The following RBFOX1 variants were observed in gnomAD, a reference collection of about 807,000 sequenced individuals.
The protein encoded by RBFOX1 is RNA binding protein fox-1 homolog 1.
Under a neutral mutation model 57.7 loss-of-function variants are expected in RBFOX1, and 8 were observed. That is an observed-to-expected ratio of 0.14 (90% CI 0.08 to 0.25). RBFOX1 has a LOEUF of 0.25. Ranked by LOEUF, RBFOX1 falls within the 10% of genes least tolerant of loss-of-function variation. The pLI is 1.00. For synonymous variants in RBFOX1, 326 were observed against 222.4 expected, an observed-to-expected ratio of 1.47 and a Z score of -4.15; for missense variants, 611 against 548.5, an observed-to-expected ratio of 1.11 and a Z score of -1.14.
At chr16:7,201,566 G>A (rs868577470) in intron 4 of RBFOX1, among the ~76,000 whole-genome samples, 1 of 151,664 alleles carries the variant, frequency 6.6e-6, no homozygotes, top group African/African-American at 2.4e-5. Context: ...GGGTTCAAAC[G>A]ATTTTCCTGC....
At chr16:7,303,287 A>T (rs1302644071) in intron 4 of RBFOX1, among the ~76,000 whole-genome samples, 5 of 152,206 alleles carry the variant, frequency 3.3e-5, no homozygotes, top group African/African-American at 1.2e-4. Flanking sequence ...GGGGCGCAGA[A>T]ACCTCCTCCC....
At chr16:5,498,865 C>G (rs957904791) in intron 2 of RBFOX1, among the ~76,000 whole-genome samples, 1 of 152,252 alleles carries the variant, frequency 6.6e-6, no homozygotes, top group Non-Finnish European at 1.5e-5. Context: ...ACCAGGATCT[C>G]TCCTCTGTAA....
chr16:6,641,563 C>T (rs750168358), intron 2 of RBFOX1, among the ~76,000 whole-genome samples: 2 of 151,694 alleles, frequency 1.3e-5, no homozygotes, highest in African/African-American at 2.4e-5. Context: ...AGTGAAACCC[C>T]GTCTCTACTA....
chr16:7,616,585 G>A (rs941150177), intron 10 of RBFOX1, among the ~76,000 whole-genome samples: 1 of 152,130 alleles, frequency 6.6e-6, no homozygotes, highest in African/African-American at 2.4e-5. Context: ...TTTTTGGGAT[G>A]GAGTCTCTCA....
At chr16:6,428,716 T>C (rs1388779544) in intron 2 of RBFOX1, among the ~76,000 whole-genome samples, 1 of 152,206 alleles carries the variant, frequency 6.6e-6, no homozygotes, top group East Asian at 1.9e-4. Context: ...GAATATTCAC[T>C]GGGCTACGTA....
At position 7,713,278 on chromosome 16, in the gene RBFOX1, GT is replaced by G. The variant is rs1405838175; in HGVS notation, c.*2536del. On this transcript the variant is annotated 3_prime_UTR_variant, in exon 16 of 16. Coordinates refer to ENST00000550418, the MANE Select transcript of RBFOX1 (RefSeq NM_018723.4). ...ATTAGTGTTTATATCACTTACAGTG[GT>G]TTGTGAATAAAGAAAACTGGTTTGT... is the stretch of plus-strand genomic sequence containing the variant. 6.6e-6 allele frequency: 1 copy of G among 152,158 alleles called. No homozygotes were observed. The allele number at this position is 152,158 out of a possible 1,614,324, so 9.4% of individuals were successfully genotyped here.
chr16:6,613,505 C>A (rs147548122), intron 2 of RBFOX1, among the ~76,000 whole-genome samples: 1 of 152,080 alleles, frequency 6.6e-6, no homozygotes, highest in East Asian at 1.9e-4. Context: ...AGATTAGCAT[C>A]ACTTACATGC....
chr16:6,705,889 A>G lies in RBFOX1; in HGVS notation c.-16+51239A>G, dbSNP rs886689497. Among the ~76,000 whole-genome samples the G allele has an allele frequency of 3.3e-5, 5 of 152,068 alleles. No individual in the cohort carries two copies. The South Asian group carries it at 6.2e-4, about 19-fold the overall frequency. On this transcript the variant is annotated intron_variant, in intron 3 of 15. Transcript: ENST00000550418. ...AAACATTAGCTGGGCATGGTGGTGCATGTCTCTAGTCCCAACTACTCAGGA... is the reference window on the plus strand; with the variant it reads ...AAACATTAGCTGGGCATGGTGGTGCGTGTCTCTAGTCCCAACTACTCAGGA...
intron 2 of RBFOX1, among the ~76,000 whole-genome samples, chr16:5,577,188 C>T (rs544992850): frequency 2.0e-5 from 3 of 152,300 alleles, no homozygotes; most frequent in Admixed American, 6.5e-5. Flanking sequence ...TTAATACAAA[C>T]TGTTCTCCTA....
At chr16:6,271,445 G>T (rs1408517683) in intron 1 of RBFOX1, among the ~76,000 whole-genome samples, 1 of 151,990 alleles carries the variant, frequency 6.6e-6, no homozygotes, top group Non-Finnish European at 1.5e-5. Context: ...AACAAACAGG[G>T]AAGGAAGTTA....
intron 1 of RBFOX1, among the ~76,000 whole-genome samples, chr16:6,226,133 G>A (rs1161975165): frequency 6.6e-6 from 1 of 150,798 alleles, no homozygotes; most frequent in Admixed American, 6.6e-5. Flanking sequence ...GCCGAGGTGG[G>A]AGGATCACCT....
At chr16:6,168,487 A>T (rs2096934226) in intron 1 of RBFOX1, among the ~76,000 whole-genome samples, 1 of 152,192 alleles carries the variant, frequency 6.6e-6, no homozygotes, top group Non-Finnish European at 1.5e-5. Context: ...CAGTTTCATG[A>T]TCTGCAATGA....
chr16:5,406,356 G>C (rs1467792797), intron 1 of RBFOX1, among the ~76,000 whole-genome samples: 4 of 151,826 alleles, frequency 2.6e-5, no homozygotes, highest in Non-Finnish European at 4.4e-5. Context: ...TGGAGGAGGG[G>C]AGAGTTAGCT....
intron 2 of RBFOX1, among the ~76,000 whole-genome samples, chr16:6,640,434 C>T (rs2098477658): frequency 1.3e-5 from 2 of 152,142 alleles, no homozygotes; most frequent in East Asian, 3.9e-4. Flanking sequence ...CATGGTCAAA[C>T]CCCATGTCTG....
chr16:6,440,586 G>C (rs1477214435), intron 2 of RBFOX1, among the ~76,000 whole-genome samples: 1 of 152,042 alleles, frequency 6.6e-6, no homozygotes, highest in Admixed American at 6.6e-5. Flanking sequence ...CGGATCACGA[G>C]GTCAAAGAGA....
At chr16:7,572,000 G>A (rs960998267) in intron 5 of RBFOX1, among the ~76,000 whole-genome samples, 1 of 152,182 alleles carries the variant, frequency 6.6e-6, no homozygotes, top group African/African-American at 2.4e-5. Context: ...GGTGGCACAT[G>A]CCTGTAGTCC....
At chr16:6,039,727 G>A (rs192632763) in intron 1 of RBFOX1, among the ~76,000 whole-genome samples, 2 of 152,258 alleles carry the variant, frequency 1.3e-5, no homozygotes, top group East Asian at 3.9e-4. Flanking sequence ...CTTTTTCTGG[G>A]TTAACATATT....
chr16:5,640,700 C>T lies in RBFOX1; in HGVS notation c.318+41739C>T, dbSNP rs555295497. On this transcript the variant is annotated intron_variant, in intron 3 of 19. Transcript: ENST00000641259. ...CACACAAGCACACCATGGATACACA[C>T]CTATGCACACACGTACACTATGCAT... Among the ~76,000 whole-genome samples, 5 of 151,240 alleles carry T rather than the reference C, an allele frequency of 3.3e-5. No homozygotes were observed. In the East Asian group the frequency reaches 9.9e-4, roughly 30 times the overall value.
chr16:6,879,349 A>G (rs558141113), intron 3 of RBFOX1, among the ~76,000 whole-genome samples: 4 of 152,278 alleles, frequency 2.6e-5, no homozygotes, highest in South Asian at 2.1e-4. Flanking sequence ...TCTGTCTCCT[A>G]TCTTTCCTAA....
Sources: gnomAD v4.1 joint callset for allele counts (sites outside exome capture counted in the v4.1 genomes callset) on GRCh38, gnomAD v4.1.1 for gene constraint, MANE v1.5 for transcripts, NCBI Gene and HGNC (gene_info 2026-07-23, HGNC 2026-07-21) for gene names.